Variants in AK2 observed in about 807,000 individuals in gnomAD.
AK2 encodes adenylate kinase 2.
A neutral mutation model predicts 24.6 loss-of-function variants in AK2; 15 were observed. The observed-to-expected ratio is 0.61, with a 90% CI of 0.41 to 0.94. AK2 has a LOEUF of 0.94. AK2 is among the 40% of genes least tolerant of loss of function. The pLI, the probability that AK2 is intolerant of heterozygous loss-of-function variation, is 0.00. For synonymous variants in AK2, 102 were observed against 114.0 expected, an observed-to-expected ratio of 0.90 and a Z score of 0.67; for missense variants, 257 against 304.1, an observed-to-expected ratio of 0.85 and a Z score of 1.15.
chr1:33,018,800 C>T (rs990661280), intron 4 of AK2, among the ~76,000 whole-genome samples: 1 of 152,186 alleles, frequency 6.6e-6, no homozygotes, highest in Non-Finnish European at 1.5e-5. Context: ...TAAACAGGCT[C>T]CTAGATGGTA....
chr1:33,036,662 G>A, intron 1 of AK2, 74 bp downstream of exon 1: 2 of 1,396,614 alleles, frequency 1.4e-6, no homozygotes, highest in South Asian at 1.2e-5. Context: ...GCAGGTCCAG[G>A]GCTTCTAGAT....
chr1:33,024,045 C>A, intron 2 of AK2: 1 of 253,106 alleles, frequency 4.0e-6, no homozygotes, highest in Non-Finnish European at 7.8e-6. Flanking sequence ...GTGGCAGGTG[C>A]CTGTAATCCT....
In AK2 at chr1:33,010,787, G is replaced by A. The variant is rs562855700; in HGVS notation, c.*2394C>T. 1.9e-5 allele frequency: 30 copies of A among 1,613,712 alleles called. No individual in the cohort carries two copies. The highest frequency in any genetic ancestry group is 6.7e-5 in the East Asian group (3 of 44,888). On this transcript the variant is annotated 3_prime_UTR_variant, in exon 6 of 6. Coordinates refer to ENST00000672715, the MANE Select transcript of AK2 (RefSeq NM_001625.4). ...CACCTAAGAGCAGGGATCACGCCGC[G>A]GGGTGATGAGCAGTGTTGCAGTCTC...
At chr1:33,024,289 A>C in intron 2 of AK2, 153 bp downstream of exon 2, 1 of 1,063,138 alleles carries the variant, frequency 9.4e-7, no homozygotes, top group Non-Finnish European at 1.4e-6. Context: ...TTGGCTGGTA[A>C]ATACTTGAAA....
chr1:33,022,034 G>A (rs971341027), intron 2 of AK2, among the ~76,000 whole-genome samples: 8 of 152,056 alleles, frequency 5.3e-5, no homozygotes, highest in South Asian at 2.1e-4. Context: ...GGTCCCTCCT[G>A]CCACTAGAGT....
intron 1 of AK2, among the ~76,000 whole-genome samples, chr1:33,027,747 CAAA>C (rs1157782051): frequency 1.5e-4 from 9 of 62,060 alleles, no homozygotes; most frequent in Admixed American, 3.8e-4. Flanking sequence ...ACTCTTGTCT[CAAA>C]AAAAAAAAAA....
chr1:33,027,341 C>T (rs1287054132), intron 1 of AK2, among the ~76,000 whole-genome samples: 1 of 152,212 alleles, frequency 6.6e-6, no homozygotes, highest in East Asian at 1.9e-4. Flanking sequence ...GCTGTTAGCA[C>T]AGAACCTGTT....
In AK2 at chr1:33,034,487, C is replaced by CAT. The variant is rs34516962; in HGVS notation, c.93+2247_93+2248dup. Among the ~76,000 whole-genome samples, 82 of 139,038 alleles carry CAT rather than the reference C, an allele frequency of 5.9e-4. 1 individual carries two copies. The South Asian group carries it at 0.018, about 30-fold the overall frequency. 91.2% of individuals were successfully genotyped at this position (139,038 alleles called of 152,430 possible). On this transcript the variant is annotated intron_variant, in intron 1 of 5. Transcript: ENST00000672715. The stretch of plus-strand genomic sequence containing the variant: ...ACACACACACACACACACACACACA[C>CAT]ATATATCATAATTTTCCAGTATCAT...
chr1:33,035,195 G>T (rs1267515362), intron 1 of AK2, among the ~76,000 whole-genome samples: 1 of 152,152 alleles, frequency 6.6e-6, no homozygotes, highest in Non-Finnish European at 1.5e-5. Context: ...TGAGGATAAA[G>T]GATAAAGGGA....
chr1:33,019,462 A>G (rs1466262239), intron 4 of AK2, among the ~76,000 whole-genome samples: 1 of 152,178 alleles, frequency 6.6e-6, no homozygotes, highest in East Asian at 1.9e-4. Context: ...ACCTACATCA[A>G]CTTTGTCTAC....
intron 4 of AK2, among the ~76,000 whole-genome samples, chr1:33,020,849 A>G (rs1639498499): frequency 7.0e-6 from 1 of 143,750 alleles, no homozygotes; most frequent in Non-Finnish European, 1.5e-5. Flanking sequence ...TGTCTCAAAA[A>G]AAAAAAAGCA....
intron 4 of AK2, chr1:33,019,578 A>C: frequency 1.0e-6 from 1 of 972,200 alleles, no homozygotes; most frequent in Non-Finnish European, 1.2e-6. Flanking sequence ...AATGAATATA[A>C]GGTAGAGTCC....
At chr1:33,033,124 C>T (rs189872368) in intron 1 of AK2, among the ~76,000 whole-genome samples, 21 of 149,224 alleles carry the variant, frequency 1.4e-4, no homozygotes, top group Admixed American at 4.1e-4. Context: ...CACACCACTG[C>T]ACTCCAGCCT....
chr1:33,032,618 G>A (rs573685334), intron 1 of AK2: 10 of 152,258 alleles, frequency 6.6e-5, no homozygotes, highest in African/African-American at 2.4e-4. Context: ...ACTGAACCTA[G>A]ACACTGAACA....
chr1:33,032,023 CATT>C, intron 1 of AK2: 1 of 207,450 alleles, frequency 4.8e-6, no homozygotes, highest in Middle Eastern at 2.0e-3. Context: ...TAAAAGGAAA[CATT>C]ATTTCAGTCA....
At chr1:33,024,270 G>GT in intron 2 of AK2, 172 bp downstream of exon 2, 2 of 887,968 alleles carry the variant, frequency 2.3e-6, no homozygotes, top group Non-Finnish European at 3.6e-6. Flanking sequence ...GGAAAGTTCT[G>GT]TATCAGCGTT....
chr1:33,020,844 CA>C (rs769914721), intron 4 of AK2, among the ~76,000 whole-genome samples: 245 of 109,998 alleles, frequency 2.2e-3, no homozygotes, highest in Admixed American at 2.6e-3. Flanking sequence ...GACTCTGTCT[CA>C]AAAAAAAAAA....
intron 1 of AK2, chr1:33,032,407 GCT>G: frequency 6.6e-6 from 1 of 152,322 alleles, no homozygotes; most frequent in South Asian, 2.1e-4. Context: ...AACCGAAAAC[GCT>G]CTGTGGTCAA....
In AK2 at chr1:33,009,815, C is replaced by T. The variant is rs747247264; in HGVS notation, c.*3366G>A. 2 of 454,480 alleles carry T rather than the reference C, an allele frequency of 4.4e-6. No homozygotes were observed. Among genetic ancestry groups the T allele is most frequent in the Admixed American group, 4.7e-5 (2 of 42,572 alleles). 28.2% of individuals were successfully genotyped at this position (454,480 alleles called of 1,614,324 possible). On this transcript the variant is annotated 3_prime_UTR_variant, in exon 6 of 6. Coordinates refer to ENST00000672715, the MANE Select transcript of AK2 (RefSeq NM_001625.4). ...CACATACTTGGACCTCCCTACCACA[C>T]AGCTGCCAGCGACAAGAAAGGGCTT...
Sources: gnomAD v4.1 joint callset for allele counts (sites outside exome capture counted in the v4.1 genomes callset) on GRCh38, gnomAD v4.1.1 for gene constraint, MANE v1.5 for transcripts, NCBI Gene and HGNC (gene_info 2026-07-23, HGNC 2026-07-21) for gene names.